LPIN2: variants seen among roughly 807,000 people sequenced by gnomAD.
The protein encoded by LPIN2 is phosphatidate phosphatase LPIN2.
In LPIN2, 55 loss-of-function variants were observed where a neutral mutation model predicts 111.4. The observed-to-expected ratio is 0.49, with a 90% confidence interval of 0.40 to 0.62. LPIN2 has a LOEUF of 0.62. Among genes scored for constraint, LPIN2 ranks in the 20% least tolerant of loss-of-function variants. The probability of loss-of-function intolerance (pLI) is 0.00; values close to 1 mark genes in which losing one functional copy is unlikely to be tolerated. For missense variants in LPIN2, 992 were observed against 1,112.1 expected (o/e 0.89, Z 1.54); for synonymous variants, 425 against 414.0 (o/e 1.03, Z -0.32).
chr18:3,000,118 A>AAGGAGGAGGAGGAGG (rs113566510), intron 1 of LPIN2, among the ~76,000 whole-genome samples: 2,322 of 144,252 alleles, frequency 0.016, 39 homozygotes, highest in Non-Finnish European at 0.025. Context: ...GGAGGGGAAG[A>AAGGAGGAGGAGGAGG]AGGAGGAGGA....
chr18:3,007,038 A>G (rs1426922923), intron 1 of LPIN2, among the ~76,000 whole-genome samples: 1 of 151,516 alleles, frequency 6.6e-6, no homozygotes, highest in African/African-American at 2.5e-5. Context: ...AACATTTTAA[A>G]TAACAAAAAC....
At chr18:3,001,479 A>G (rs73939707) in intron 1 of LPIN2, among the ~76,000 whole-genome samples, 4,331 of 152,318 alleles carry the variant, frequency 0.028, 187 homozygotes, top group African/African-American at 0.098. Context: ...CCATGAAAAT[A>G]TAAACAATGA....
intron 18 of LPIN2, 48 bp from the exon 19 acceptor site, chr18:2,920,929 G>A (rs1221715708): frequency 7.9e-7 from 1 of 1,263,814 alleles, no homozygotes; most frequent in Admixed American, 1.7e-5. Context: ...GAGAATTCAG[G>A]AGATACTTCT....
chr18:2,925,132 G>T lies in LPIN2; in HGVS notation c.1938+92C>A. ...GACCATGCCGTGTGGCGTGTATGCA[G>T]CTGGGGACGTGTGGACAGAAGAGGA... On this transcript the variant is annotated intron_variant, in intron 14 of 19. Transcript: ENST00000677752. The surrounding 1 kb of genome is among the most constrained non-coding windows in gnomAD (Gnocchi z 4.1). The T allele has an allele frequency of 6.7e-7, 1 of 1,500,866 alleles. No homozygotes were observed. The allele number at this position is 1,500,866 out of a possible 1,614,324, so 93.0% of individuals were successfully genotyped here. A position where few individuals can be genotyped will look rare whatever the true frequency, so the allele number is the denominator to read the frequency against.
intron 1 of LPIN2, among the ~76,000 whole-genome samples, chr18:3,006,578 C>T (rs572964604): frequency 6.6e-6 from 1 of 152,254 alleles, no homozygotes; most frequent in Admixed American, 6.5e-5. Flanking sequence ...CGGCTCAAGC[C>T]TGTAATCCCA....
rs1234401606 is a variant in LPIN2 at position 2,951,121 on chromosome 18, G to A, written c.524C>T (p.Ala175Val). ...DSKKEEQAASAAAEDTCDVGV... is the reference protein window; with the variant it reads ...DSKKEEQAASVAAEDTCDVGV... ...TACATCACATGTGTCTTCTGCAGCA[G>A]CAGATGCGGCCTGCTCTTCCTTCTT... Residue 175 changes from alanine to valine, a missense_variant, in exon 4 of 20, where the codon GCT becomes GTT. Physicochemically the swap from Ala to Val is moderately conservative, Grantham distance 64. Transcript: ENST00000677752. The A allele has an allele frequency of 6.2e-7, 1 of 1,614,164 alleles. No individual in the cohort carries two copies.
chr18:2,929,024 C>T (rs573145111), intron 10 of LPIN2, 41 bp downstream of exon 10: 1 of 1,296,528 alleles, frequency 7.7e-7, no homozygotes, highest in East Asian at 2.3e-5. Flanking sequence ...TGTAAAAAAA[C>T]TGCAAGAGTA....
rs1292306735 is a variant in LPIN2 at position 2,917,587 on chromosome 18, AT to A, written c.*2705del. 6.6e-6 allele frequency: 1 copy of A among 152,116 alleles called. No homozygotes were observed. The highest frequency in any genetic ancestry group is 1.5e-5 in the Non-Finnish European group (1 of 68,024). The allele number at this position is 152,116 out of a possible 1,614,324, so 9.4% of individuals were successfully genotyped here. The stretch of plus-strand genomic sequence containing the variant: ...AGCAGCTTTCATTTTAGGACATCCC[AT>A]TTTTAAGTTTTTTCTTTTTCCAGTT... On this transcript the variant is annotated 3_prime_UTR_variant, in exon 20 of 20. Transcript: ENST00000677752.
intron 2 of LPIN2, among the ~76,000 whole-genome samples, chr18:2,956,021 A>C (rs1478576608): frequency 6.6e-6 from 1 of 152,218 alleles, no homozygotes; most frequent in Non-Finnish European, 1.5e-5. Flanking sequence ...CTTACCTTGG[A>C]AACAGTATTT....
At chr18:3,007,371 C>G (rs949758527) in intron 1 of LPIN2, among the ~76,000 whole-genome samples, 2 of 152,184 alleles carry the variant, frequency 1.3e-5, no homozygotes, top group African/African-American at 2.4e-5. Flanking sequence ...CGGGGTTTCA[C>G]TGTGTTAGCC....
intron 6 of LPIN2, among the ~76,000 whole-genome samples, 159 bp from the exon 7 acceptor site, chr18:2,938,196 CT>C (rs1480048332): frequency 3.1e-4 from 47 of 152,096 alleles, no homozygotes; most frequent in African/African-American, 1.1e-3. Flanking sequence ...GTGAGAAAAA[CT>C]AATAATTGCC....
chr18:3,005,341 G>A (rs1355758157), intron 1 of LPIN2, among the ~76,000 whole-genome samples: 1 of 150,528 alleles, frequency 6.6e-6, no homozygotes, highest in Non-Finnish European at 1.5e-5. Context: ...GACAGAGCAA[G>A]ACTCCGTCTC....
chr18:3,010,501 G>A (rs1015629702), intron 1 of LPIN2, among the ~76,000 whole-genome samples: 1 of 152,054 alleles, frequency 6.6e-6, no homozygotes, highest in Admixed American at 6.6e-5. Flanking sequence ...AGCAGTGAAG[G>A]GTATTGGAGA....
intron 1 of LPIN2, among the ~76,000 whole-genome samples, chr18:3,005,590 T>C (rs567486038): frequency 1.3e-4 from 20 of 151,964 alleles, no homozygotes; most frequent in East Asian, 3.9e-4. Flanking sequence ...GGCAAGAGGA[T>C]TGCTTGATCC....
At chr18:3,003,599 G>GA (rs1202096368) in intron 1 of LPIN2, among the ~76,000 whole-genome samples, 1 of 152,152 alleles carries the variant, frequency 6.6e-6, no homozygotes, top group Non-Finnish European at 1.5e-5. Context: ...AGATTTCATG[G>GA]ACTTTTGTCA....
chr18:2,940,203 T>C (rs1057409650), intron 5 of LPIN2, among the ~76,000 whole-genome samples: 1 of 152,220 alleles, frequency 6.6e-6, no homozygotes, highest in African/African-American at 2.4e-5. Context: ...GGTGCGTGCC[T>C]GTAGTCCCAG....
intron 2 of LPIN2, among the ~76,000 whole-genome samples, chr18:2,960,003 T>C (rs1315038054): frequency 6.6e-6 from 1 of 152,124 alleles, no homozygotes; most frequent in Non-Finnish European, 1.5e-5. Flanking sequence ...ACCCCGTCTC[T>C]ACTAAAAATA....
chr18:2,923,758 G>T lies in LPIN2; in HGVS notation c.2174+17C>A. 1.9e-6 allele frequency: 3 copies of T among 1,605,462 alleles called. No homozygotes were observed. Among genetic ancestry groups the T allele is most frequent in the Non-Finnish European group, 2.6e-6 (3 of 1,173,288 alleles). On this transcript the variant is annotated intron_variant, in intron 16 of 19. Coordinates refer to ENST00000677752, the MANE Select transcript of LPIN2 (RefSeq NM_001375808.2). Reference sequence around the variant, plus strand: ...TTCCAGCTCACCAGAGCGAGTTAACGTGGGGAGGGTACCTACTCATTGATG... The same window carrying T: ...TTCCAGCTCACCAGAGCGAGTTAACTTGGGGAGGGTACCTACTCATTGATG...
chr18:2,981,600 T>C (rs769433463), intron 1 of LPIN2, among the ~76,000 whole-genome samples: 11 of 152,234 alleles, frequency 7.2e-5, no homozygotes, highest in Non-Finnish European at 1.0e-4. Flanking sequence ...TTCTGACCTT[T>C]ACAACAAATG....
Sources: allele counts gnomAD v4.1 joint callset (sites outside exome capture counted in the v4.1 genomes callset), GRCh38; gene constraint gnomAD v4.1.1; non-coding constraint Gnocchi (gnomAD v3.1); transcripts MANE v1.5; gene names NCBI Gene and HGNC (gene_info 2026-07-23, HGNC 2026-07-21).